The following OSBPL9 variants were observed in gnomAD, a reference collection of about 807,000 sequenced individuals.
OSBPL9 encodes the protein oxysterol binding protein like 9, also known as oxysterol-binding protein-related protein 9.
Under a neutral mutation model 106.6 loss-of-function variants are expected in OSBPL9, and 40 were observed. That is an observed-to-expected ratio of 0.38 (90% CI 0.29 to 0.49). The LOEUF is 0.49. Ranked by LOEUF, OSBPL9 falls within the 20% of genes least tolerant of loss-of-function variation. The pLI is 0.97. For missense variants in OSBPL9, 609 were observed against 887.2 expected (o/e 0.69, Z 3.98); for synonymous variants, 269 against 295.4 (o/e 0.91, Z 0.92).
chr1:51,578,644 C>A (rs987909153), intron 1 of OSBPL9, among the ~76,000 whole-genome samples: 13 of 143,980 alleles, frequency 9.0e-5, no homozygotes, highest in African/African-American at 3.8e-4. Flanking sequence ...TTCTTCTGCA[C>A]CCTTGTTTTG....
intron 4 of OSBPL9, among the ~76,000 whole-genome samples, chr1:51,714,638 G>A (rs994256102): frequency 2.0e-4 from 30 of 152,282 alleles, no homozygotes; most frequent in Non-Finnish European, 8.8e-5. Flanking sequence ...TTTTGCATTG[G>A]CTTCATTTTC....
At chr1:51,621,693 A>G (rs1316896297) in intron 1 of OSBPL9, among the ~76,000 whole-genome samples, 2 of 152,184 alleles carry the variant, frequency 1.3e-5, no homozygotes, top group Non-Finnish European at 2.9e-5. Flanking sequence ...AGATCTGCAT[A>G]TAAAATTATA....
At position 51,729,731 on chromosome 1, in the gene OSBPL9, G is replaced by C. The variant is rs1663876884; in HGVS notation, c.318+15652G>C. On this transcript the variant is annotated intron_variant, in intron 4 of 23. Transcript: ENST00000428468. The surrounding 1 kb of genome is among the most constrained non-coding windows in gnomAD (Gnocchi z 5.1). ...GCAGGTGACCCATGGCCAATCGCCA[G>C]GGGTCTCTTTGCCAGGAGCCGCCAG... 3 of 947,508 alleles carry C rather than the reference G, an allele frequency of 3.2e-6. No homozygotes were observed. Among genetic ancestry groups the C allele is most frequent in the Non-Finnish European group, 4.1e-6 (3 of 727,580 alleles). 58.7% of individuals were successfully genotyped at this position (947,508 alleles called of 1,614,324 possible). A position where few individuals can be genotyped will look rare whatever the true frequency, so the allele number is the denominator to read the frequency against.
rs1674452985 is a variant in OSBPL9 at position 51,773,828 on chromosome 1, ACT to A, written c.1170+1106_1170+1107del. Among the ~76,000 whole-genome samples, 3 of 152,322 alleles carry A rather than the reference ACT, an allele frequency of 2.0e-5. No individual in the cohort carries two copies. In the South Asian group the frequency reaches 6.2e-4, roughly 32 times the overall value. On this transcript the variant is annotated intron_variant, in intron 14 of 23. Coordinates refer to ENST00000428468, the MANE Select transcript of OSBPL9 (RefSeq NM_024586.6). ...AAGTGAGAACAGAGACACAAGGACA[ACT>A]TTTATTTGTGGAGCCCAACACACTT...
chr1:51,722,207 A>ATAGAT (rs1553172926), intron 4 of OSBPL9, among the ~76,000 whole-genome samples: 6 of 152,130 alleles, frequency 3.9e-5, no homozygotes. Context: ...AGATAGATAG[A>ATAGAT]AGTAGTTAGA....
At chr1:51,519,572 C>G in the OSBPL9 span, among the ~76,000 whole-genome samples, 1 of 152,142 alleles carries the variant, frequency 6.6e-6, no homozygotes, top group African/African-American at 2.4e-5. Flanking sequence ...GAACTTCAGA[C>G]AGGCCACCTA....
At chr1:51,777,828 A>G (rs1486681283) in intron 15 of OSBPL9, among the ~76,000 whole-genome samples, 1 of 152,090 alleles carries the variant, frequency 6.6e-6, no homozygotes, top group East Asian at 1.9e-4. Flanking sequence ...GGTAGTTTTT[A>G]TGTGTGAGAA....
chr1:51,551,767 A>C, the OSBPL9 span, among the ~76,000 whole-genome samples: 2 of 147,586 alleles, frequency 1.4e-5, no homozygotes, highest in Non-Finnish European at 3.0e-5. Flanking sequence ...TTTTTTTTGT[A>C]TTTTTCATAG....
At chr1:51,754,658 C>T (rs1024844400) in intron 8 of OSBPL9, among the ~76,000 whole-genome samples, 5 of 151,960 alleles carry the variant, frequency 3.3e-5, no homozygotes, top group African/African-American at 4.8e-5. Flanking sequence ...TATAACATTT[C>T]GAAAGGTAAA....
the OSBPL9 span, among the ~76,000 whole-genome samples, chr1:51,553,375 A>G: frequency 6.6e-6 from 1 of 151,766 alleles, no homozygotes; most frequent in Non-Finnish European, 1.5e-5. Flanking sequence ...TTAACCTGGC[A>G]TGGTGGCATG....
chr1:51,625,803 T>A (rs772202737), intron 1 of OSBPL9, among the ~76,000 whole-genome samples: 1 of 152,172 alleles, frequency 6.6e-6, no homozygotes, highest in Non-Finnish European at 1.5e-5. Flanking sequence ...TGATTATAAT[T>A]GTGAGCCACT....
At chr1:51,522,341 C>T in the OSBPL9 span, among the ~76,000 whole-genome samples, 77 of 152,308 alleles carry the variant, frequency 5.1e-4, 1 homozygote, top group East Asian at 0.014. Flanking sequence ...CCCCACGTCC[C>T]CTTCCAGACC....
At chr1:51,770,298 C>T (rs1486555355) in intron 12 of OSBPL9, among the ~76,000 whole-genome samples, 3 of 152,106 alleles carry the variant, frequency 2.0e-5, no homozygotes, top group Non-Finnish European at 2.9e-5. Context: ...CATGCCACCA[C>T]GCTCGGCTAA....
chr1:51,717,067 G>A (rs1350103406), intron 4 of OSBPL9, among the ~76,000 whole-genome samples: 1 of 152,008 alleles, frequency 6.6e-6, no homozygotes, highest in Non-Finnish European at 1.5e-5. Context: ...CCCTGCTCAA[G>A]TGATCCTCCC....
chr1:51,771,495 G>A lies in OSBPL9; in HGVS notation c.939-575G>A, dbSNP rs112671006. The stretch of plus-strand genomic sequence containing the variant: ...AAAATATAAATATACGTGCGTGTGC[G>A]CGCACACACACACACTTCCATCGGT... On this transcript the variant is annotated intron_variant, in intron 12 of 23. Transcript: ENST00000428468. Among the ~76,000 whole-genome samples the A allele has an allele frequency of 9.2e-3, 1,398 of 152,044 alleles. 4 individuals are homozygous for A. The highest frequency in any genetic ancestry group is 0.014 in the Middle Eastern group (4 of 294).
chr1:51,681,897 A>G (rs1216365688), intron 3 of OSBPL9, among the ~76,000 whole-genome samples: 1 of 152,198 alleles, frequency 6.6e-6, no homozygotes, highest in East Asian at 1.9e-4. Context: ...ATCATACTAT[A>G]CTTTTAAAAT....
intron 9 of OSBPL9, among the ~76,000 whole-genome samples, chr1:51,758,920 A>C (rs1239028716): frequency 6.6e-6 from 1 of 152,138 alleles, no homozygotes; most frequent in African/African-American, 2.4e-5. Context: ...AGTATCTGAA[A>C]ATAGAATCAA....
intron 1 of OSBPL9, among the ~76,000 whole-genome samples, chr1:51,642,219 A>G (rs1193126018): frequency 2.0e-5 from 3 of 152,190 alleles, no homozygotes; most frequent in Non-Finnish European, 2.9e-5. Context: ...TTAAATGGCT[A>G]GCTGTACTTA....
intron 1 of OSBPL9, among the ~76,000 whole-genome samples, chr1:51,633,733 T>C (rs1382424650): frequency 6.6e-6 from 1 of 152,162 alleles, no homozygotes; most frequent in Non-Finnish European, 1.5e-5. Flanking sequence ...GCAGTCTTCT[T>C]ACTTAAGCCT....
Sources: gnomAD v4.1 joint callset for allele counts (sites outside exome capture counted in the v4.1 genomes callset) on GRCh38, gnomAD v4.1.1 for gene constraint, Gnocchi (gnomAD v3.1) non-coding constraint, MANE v1.5 for transcripts, NCBI Gene and HGNC (gene_info 2026-07-23, HGNC 2026-07-21) for gene names.